The following EXOC6B variants were observed in gnomAD, a reference collection of about 807,000 sequenced individuals.
EXOC6B encodes the protein SEC15 homolog B.
EXOC6B carries 54 observed loss-of-function variants against 113.5 expected under a neutral mutation model. The observed-to-expected ratio is 0.48, with a 90% CI of 0.38 to 0.60. The LOEUF is 0.60. EXOC6B is among the 20% of genes least tolerant of loss of function. The probability of loss-of-function intolerance (pLI) is 0.00; values close to 1 mark genes in which losing one functional copy is unlikely to be tolerated. For synonymous variants in EXOC6B, 357 were observed against 339.0 expected (o/e 1.05, Z -0.58); for missense variants, 797 against 977.5 (o/e 0.82, Z 2.46).
At chr2:72,340,324 AT>A (rs1310930168) in intron 19 of EXOC6B, among the ~76,000 whole-genome samples, 2 of 152,134 alleles carry the variant, frequency 1.3e-5, no homozygotes, top group Non-Finnish European at 2.9e-5. Flanking sequence ...TATAAAGCTA[AT>A]TTTTCTAAAT....
chr2:72,741,288 C>G lies in EXOC6B; in HGVS notation c.279+16G>C, dbSNP rs549716301. On this transcript the variant is annotated intron_variant, in intron 2 of 21. Coordinates refer to ENST00000272427, the MANE Select transcript of EXOC6B (RefSeq NM_015189.3). ...AACACAGGACGGAGAAACAGTATCT[C>G]TTAGAGCCTTCTTACTTTGAGTTTC... 6.2e-7 allele frequency: 1 copy of G among 1,610,418 alleles called. No homozygotes were observed. Among genetic ancestry groups the G allele is most frequent in the East Asian group, 2.2e-5 (1 of 44,812 alleles).
intron 19 of EXOC6B, among the ~76,000 whole-genome samples, chr2:72,335,732 T>C (rs1016229595): frequency 2.0e-5 from 3 of 152,118 alleles, no homozygotes; most frequent in Non-Finnish European, 4.4e-5. Context: ...GTCCTTCTAG[T>C]GTATTCTTTG....
intron 1 of EXOC6B, among the ~76,000 whole-genome samples, chr2:72,796,103 G>A (rs553650934): frequency 7.9e-5 from 12 of 151,216 alleles, no homozygotes; most frequent in Admixed American, 5.9e-4. Context: ...GATTACAGGC[G>A]TGAGCCACCA....
intron 20 of EXOC6B, among the ~76,000 whole-genome samples, chr2:72,223,863 C>T (rs189869429): frequency 1.3e-5 from 2 of 152,290 alleles, no homozygotes; most frequent in African/African-American, 4.8e-5. Context: ...GGGGTAAACA[C>T]ACTGCTCTGT....
chr2:72,754,467 A>G (rs1682273487), intron 1 of EXOC6B, among the ~76,000 whole-genome samples: 1 of 151,940 alleles, frequency 6.6e-6, no homozygotes, highest in Non-Finnish European at 1.5e-5. Context: ...CCTAGCCTCG[A>G]GCAATCCTAC....
At chr2:72,401,646 CATATATATATATATATATATGTAT>C (rs1558631438) in intron 18 of EXOC6B, among the ~76,000 whole-genome samples, 2 of 20,712 alleles carry the variant, frequency 9.7e-5, no homozygotes, top group South Asian at 9.3e-4. Context: ...TACATATATA[CATATATATATATATATATATGTAT>C]ATATATATAT....
At chr2:72,658,967 T>C (rs901228279) in intron 6 of EXOC6B, among the ~76,000 whole-genome samples, 1 of 152,106 alleles carries the variant, frequency 6.6e-6, no homozygotes, top group Non-Finnish European at 1.5e-5. Flanking sequence ...TAAATCAGTT[T>C]CCTGGTATTT....
chr2:72,636,327 A>AGGAG (rs1553457113), intron 6 of EXOC6B, among the ~76,000 whole-genome samples: 1 of 105,616 alleles, frequency 9.5e-6, no homozygotes, highest in African/African-American at 3.6e-5. Context: ...GAGGGAGGGA[A>AGGAG]GGAGGGAAGG....
At chr2:72,751,757 G>A (rs1682057756) in intron 1 of EXOC6B, among the ~76,000 whole-genome samples, 1 of 152,084 alleles carries the variant, frequency 6.6e-6, no homozygotes, top group African/African-American at 2.4e-5. Flanking sequence ...AGAGAATGGA[G>A]AATACAATGG....
intron 1 of EXOC6B, among the ~76,000 whole-genome samples, chr2:72,742,281 T>C (rs1681368491): frequency 6.6e-6 from 1 of 152,174 alleles, no homozygotes; most frequent in African/African-American, 2.4e-5. Context: ...CCCTCTTTAC[T>C]AGATGATTCT....
rs200227562 is a variant in EXOC6B, at chr2:72,480,743, T to C, written c.1673A>G (p.Gln558Arg). 1.4e-3 allele frequency: 2,223 copies of C among 1,600,286 alleles called. 1 individual carries two copies. The highest frequency in any genetic ancestry group is 1.7e-3 in the Non-Finnish European group (2,031 of 1,172,558). The change falls in exon 17 of 22, where the codon CAG becomes CGG. Residue 558 changes from glutamine (Q) to arginine (R), a missense_variant. Physicochemically the swap from Gln to Arg is conservative, Grantham distance 43 (BLOSUM62 1). Coordinates refer to ENST00000272427, the MANE Select transcript of EXOC6B (RefSeq NM_015189.3). ...RKNIGLTELV[Q>R]IIINTTHLEK... ...CAAATGTGTTGTATTGATAATAATCTGAACAAGCTAGAAAACAACAAACAC... is the reference window on the plus strand; with the variant it reads ...CAAATGTGTTGTATTGATAATAATCCGAACAAGCTAGAAAACAACAAACAC...
intron 6 of EXOC6B, among the ~76,000 whole-genome samples, chr2:72,686,956 G>C (rs1470711391): frequency 1.3e-5 from 2 of 152,054 alleles, no homozygotes; most frequent in Non-Finnish European, 2.9e-5. Flanking sequence ...GCCTAAGACA[G>C]TGAAACCCCA....
chr2:72,755,643 A>G (rs948876629), intron 1 of EXOC6B, among the ~76,000 whole-genome samples: 1 of 152,220 alleles, frequency 6.6e-6, no homozygotes, highest in Non-Finnish European at 1.5e-5. Context: ...AGAGGAAGAA[A>G]GGAGAAATTT....
At chr2:72,358,018 T>G (rs752082824) in intron 19 of EXOC6B, among the ~76,000 whole-genome samples, 5 of 152,160 alleles carry the variant, frequency 3.3e-5, no homozygotes, top group Non-Finnish European at 7.3e-5. Context: ...TTCAGTACTA[T>G]CCACAGTTTC....
chr2:72,390,844 T>G (rs1032811430), intron 18 of EXOC6B, among the ~76,000 whole-genome samples: 3 of 152,224 alleles, frequency 2.0e-5, no homozygotes, highest in African/African-American at 7.2e-5. Context: ...CCCTCACAAT[T>G]TGATGGTTTG....
intron 20 of EXOC6B, among the ~76,000 whole-genome samples, chr2:72,184,807 GC>G (rs1678316468): frequency 6.6e-6 from 1 of 152,190 alleles, no homozygotes; most frequent in African/African-American, 2.4e-5. Flanking sequence ...TTTATAAGAG[GC>G]AATATGTGTT....
chr2:72,499,415 A>C (rs190963668), intron 12 of EXOC6B, among the ~76,000 whole-genome samples: 2 of 151,604 alleles, frequency 1.3e-5, no homozygotes, highest in Admixed American at 6.6e-5. Flanking sequence ...ATTTTTACTA[A>C]AGACAGGGTT....
chr2:72,394,321 T>C (rs1361048171), intron 18 of EXOC6B, among the ~76,000 whole-genome samples: 1 of 152,140 alleles, frequency 6.6e-6, no homozygotes, highest in Non-Finnish European at 1.5e-5. Flanking sequence ...GGAAAATGTA[T>C]TTCCTGTTCT....
intron 17 of EXOC6B, among the ~76,000 whole-genome samples, chr2:72,471,936 T>C (rs1160002233): frequency 6.6e-6 from 1 of 152,182 alleles, no homozygotes; most frequent in Non-Finnish European, 1.5e-5. Flanking sequence ...TGTGAAGGGA[T>C]GTTGAATTTT....
Sources: gnomAD v4.1 joint callset for allele counts (sites outside exome capture counted in the v4.1 genomes callset) on GRCh38, gnomAD v4.1.1 for gene constraint, MANE v1.5 for transcripts, NCBI Gene and HGNC (gene_info 2026-07-23, HGNC 2026-07-21) for gene names.